TBC1D8: variants seen among roughly 807,000 people sequenced by gnomAD.
TBC1D8 encodes the protein BUB2-like protein 1.
TBC1D8 carries 65 observed loss-of-function variants against 118.8 expected under a neutral mutation model. The ratio of observed to expected loss-of-function variants is 0.55; its 90% CI spans 0.45 to 0.67. The LOEUF (loss-of-function observed/expected upper bound fraction) is 0.67. TBC1D8 is among the 30% of genes least tolerant of loss of function. The pLI, the probability that TBC1D8 is intolerant of heterozygous loss-of-function variation, is 0.00. For synonymous variants in TBC1D8, 566 were observed against 595.8 expected (o/e 0.95, Z 0.73); for missense variants, 1,376 against 1,471.2 (o/e 0.94, Z 1.06).
At position 101,036,146 on chromosome 2, in the gene TBC1D8, C is replaced by A; in HGVS notation, c.1475G>T (p.Ser492Ile). 6.2e-7 allele frequency: 1 copy of A among 1,613,868 alleles called. No individual in the cohort carries two copies. The highest frequency in any genetic ancestry group is 8.5e-7 in the Non-Finnish European group (1 of 1,179,810). ...TTCCACAAAGTGGTCATTCCACAGG[C>A]TTATTTTTATCTGTTCTCTGGACTG... The part of the protein sequence containing the change: ...SRMSREQIKI[S>I]LWNDHFVEYG... Residue 492 changes from serine to isoleucine, a missense_variant, in exon 9 of 20, where the codon AGC (serine) becomes ATC (isoleucine). Ser to Ile is a moderately radical substitution (Grantham distance 142). Transcript: ENST00000409318.
chr2:101,059,969 T>G (rs1451244085), intron 2 of TBC1D8, among the ~76,000 whole-genome samples: 1 of 151,660 alleles, frequency 6.6e-6, no homozygotes, highest in South Asian at 2.1e-4. Context: ...TCTCATACCC[T>G]GGGCCACAGT....
At chr2:101,140,801 C>T (rs372893734) in intron 1 of TBC1D8, among the ~76,000 whole-genome samples, 91 of 146,288 alleles carry the variant, frequency 6.2e-4, no homozygotes, top group African/African-American at 2.3e-3. Context: ...TCACTCTTGT[C>T]GCTCAGGCTG....
At chr2:101,037,293 C>T (rs2105395848) in intron 8 of TBC1D8, among the ~76,000 whole-genome samples, 1 of 152,238 alleles carries the variant, frequency 6.6e-6, no homozygotes, top group East Asian at 1.9e-4. Flanking sequence ...GCGCGGCCAG[C>T]TCCGCAGGCC....
chr2:101,010,318 G>A (rs1454748491), intron 19 of TBC1D8, among the ~76,000 whole-genome samples: 1 of 152,130 alleles, frequency 6.6e-6, no homozygotes, highest in African/African-American at 2.4e-5. Flanking sequence ...TATTTTTGAA[G>A]GGAAGAATGC....
At chr2:101,028,682 A>G (rs1055586607) in intron 12 of TBC1D8, 2 of 433,306 alleles carry the variant, frequency 4.6e-6, no homozygotes, top group African/African-American at 2.0e-5. Flanking sequence ...CATTCTGCGC[A>G]TACATGCAAG....
At chr2:101,099,323 C>A (rs1348762807) in intron 1 of TBC1D8, among the ~76,000 whole-genome samples, 1 of 152,124 alleles carries the variant, frequency 6.6e-6, no homozygotes, top group Non-Finnish European at 1.5e-5. Context: ...GAAGTCGAAT[C>A]CCTGAATAGA....
rs991388289 is a variant in TBC1D8 at position 101,040,284 on chromosome 2, G to A, written c.974C>T (p.Pro325Leu). Residue 325 changes from proline to leucine, a missense_variant, in exon 6 of 20, where the codon CCG becomes CTG. Pro to Leu is a moderately conservative substitution (Grantham distance 98). Transcript: ENST00000409318. Reference protein sequence around the residue: ...HAVVDCSLWTPFSRCHTTGRM... With the variant: ...HAVVDCSLWTLFSRCHTTGRM... ...CCCCGTGGTGTGACAGCGACTGAAC[G>A]GCGTCCAGAGCGAACAGTCCACAAC... The A allele has an allele frequency of 3.7e-6, 6 of 1,613,876 alleles. No homozygotes were observed. The highest frequency in any genetic ancestry group is 3.4e-6 in the Non-Finnish European group (4 of 1,179,904).
At chr2:101,072,373 G>A (rs762889919) in intron 2 of TBC1D8, among the ~76,000 whole-genome samples, 12 of 151,848 alleles carry the variant, frequency 7.9e-5, no homozygotes, top group Admixed American at 2.0e-4. Flanking sequence ...AGAGAGAGAA[G>A]GAGAGAGAGA....
intron 1 of TBC1D8, among the ~76,000 whole-genome samples, chr2:101,112,012 C>T (rs1398272536): frequency 2.6e-5 from 4 of 152,152 alleles, no homozygotes; most frequent in African/African-American, 9.7e-5. Flanking sequence ...CTAACCTCAT[C>T]CCCAAGCAAC....
At chr2:101,129,280 C>T (rs918483369) in intron 1 of TBC1D8, among the ~76,000 whole-genome samples, 2 of 151,720 alleles carry the variant, frequency 1.3e-5, no homozygotes, top group Non-Finnish European at 2.9e-5. Context: ...AGCTGGGACT[C>T]CAGGCACACG....
intron 1 of TBC1D8, among the ~76,000 whole-genome samples, chr2:101,117,585 T>A (rs1026212142): frequency 6.8e-5 from 10 of 148,018 alleles, no homozygotes; most frequent in Non-Finnish European, 1.2e-4. Flanking sequence ...TTTTTTTTTT[T>A]TTTTTTGAGA....
intron 15 of TBC1D8, among the ~76,000 whole-genome samples, chr2:101,022,897 CTT>C (rs1020493638): frequency 6.6e-6 from 1 of 152,054 alleles, no homozygotes; most frequent in African/African-American, 2.4e-5. Context: ...AATCCTAGCA[CTT>C]TGGGAGACCG....
At chr2:101,037,911 C>T (rs1463546442) in intron 7 of TBC1D8, among the ~76,000 whole-genome samples, 2 of 152,258 alleles carry the variant, frequency 1.3e-5, no homozygotes, top group South Asian at 2.1e-4. Flanking sequence ...GAGGCTGTCC[C>T]GGTCCCCAGA....
In TBC1D8 at chr2:101,151,151, C is replaced by T. The variant is rs1558735967; in HGVS notation, c.103G>A (p.Gly35Ser). 8.3e-7 allele frequency: 1 copy of T among 1,203,860 alleles called. No individual in the cohort carries two copies. The highest frequency in any genetic ancestry group is 1.1e-6 in the Non-Finnish European group (1 of 945,356). The allele number at this position is 1,203,860 out of a possible 1,614,324, so 74.6% of individuals were successfully genotyped here. A position where few individuals can be genotyped will look rare whatever the true frequency, so the allele number is the denominator to read the frequency against. The stretch of plus-strand genomic sequence containing the variant: ...CCGGTGAGGCGGCCGCCCCCCTCGC[C>T]GTGCCCGCGGCGCCGCTGCAGGATG... ...YFILQRRRGH[G>S]EGGGRLTGRL... is the part of the protein sequence containing the mutation. Residue 35 changes from glycine (G) to serine (S), a missense_variant, in exon 1 of 20, where the codon GGC becomes AGC. Gly to Ser is a moderately conservative substitution (Grantham distance 56, BLOSUM62 0). Coordinates refer to ENST00000409318, the MANE Select transcript of TBC1D8 (RefSeq NM_001330348.2).
rs761000069 is a variant in TBC1D8 at position 101,008,289 on chromosome 2, G to GTCT, written c.3016-19_3016-17dup. Reference sequence around the variant, plus strand: ...TAAATTCTCTCTGAAATTGAAATAAGTCTTAGGTAGCAGCAGAACCAGGGT... The same window carrying GTCT: ...TAAATTCTCTCTGAAATTGAAATAAGTCTTCTTAGGTAGCAGCAGAACCAGGGT... On this transcript the variant is annotated splice_polypyrimidine_tract_variant and intron_variant, in intron 19 of 19. Coordinates refer to ENST00000409318, the MANE Select transcript of TBC1D8 (RefSeq NM_001330348.2). The GTCT allele has an allele frequency of 1.3e-6, 2 of 1,498,816 alleles. No individual in the cohort carries two copies. Among genetic ancestry groups the GTCT allele is most frequent in the South Asian group, 1.4e-5 (1 of 71,976 alleles). The allele number at this position is 1,498,816 out of a possible 1,614,324, so 92.8% of individuals were successfully genotyped here. A position where few individuals can be genotyped will look rare whatever the true frequency, so the allele number is the denominator to read the frequency against.
In TBC1D8 at chr2:101,022,360, G is replaced by A. The variant is rs1466299611; in HGVS notation, c.2682C>T (p.Ile894=). The part of the protein sequence containing the change: ...SPWTCGAHTE[I]LAERTFRLLD... ...AGAGCCTGAACGTCCTTTCGGCGAG[G>A]ATCTCCGTGTGGGCCCCGCAGGTCC... Residue 894 remains isoleucine, a synonymous_variant, in exon 16 of 20, where the codon ATC becomes ATT. Coordinates refer to ENST00000409318, the MANE Select transcript of TBC1D8 (RefSeq NM_001330348.2). The A allele has an allele frequency of 1.2e-6, 2 of 1,612,536 alleles. No homozygotes were observed. The highest frequency in any genetic ancestry group is 1.7e-6 in the Non-Finnish European group (2 of 1,179,554).
intron 1 of TBC1D8, among the ~76,000 whole-genome samples, chr2:101,133,699 C>A (rs1678701960): frequency 1.3e-5 from 2 of 152,160 alleles, no homozygotes; most frequent in Admixed American, 1.3e-4. Flanking sequence ...TCCAAGGAAT[C>A]TACCTCCAGT....
chr2:101,027,772 G>A (rs1479648864), intron 14 of TBC1D8, among the ~76,000 whole-genome samples: 1 of 152,230 alleles, frequency 6.6e-6, no homozygotes, highest in Non-Finnish European at 1.5e-5. Flanking sequence ...GGCCCCCTGT[G>A]CTAGGCATTA....
At chr2:101,126,205 CA>C (rs1181834735) in intron 1 of TBC1D8, among the ~76,000 whole-genome samples, 1 of 152,108 alleles carries the variant, frequency 6.6e-6, no homozygotes, top group East Asian at 1.9e-4. Flanking sequence ...AGGCTCTTTT[CA>C]ACAACCAGTT....
Sources: allele counts gnomAD v4.1 joint callset (sites outside exome capture counted in the v4.1 genomes callset), GRCh38; gene constraint gnomAD v4.1.1; transcripts MANE v1.5; gene names NCBI Gene and HGNC (gene_info 2026-07-23, HGNC 2026-07-21).